Variants in GPAT3 observed in about 807,000 individuals in gnomAD.
GPAT3 encodes glycerol-3-phosphate acyltransferase 3, also known as 1-AGP acyltransferase 9.
Under a neutral mutation model 58.8 loss-of-function variants are expected in GPAT3, and 53 were observed. That is an observed-to-expected ratio of 0.90 (90% CI 0.72 to 1.13). GPAT3 has a LOEUF of 1.13. GPAT3 is among the 50% of genes most tolerant of loss of function. The pLI is 0.00. For missense variants in GPAT3, 511 were observed against 527.6 expected (o/e 0.97, Z 0.31); for synonymous variants, 197 against 187.4 (o/e 1.05, Z -0.42).
At chr4:83,554,801 C>CTTT (rs34785812) in intron 2 of GPAT3, among the ~76,000 whole-genome samples, 6 of 129,962 alleles carry the variant, frequency 4.6e-5, no homozygotes, top group African/African-American at 5.6e-5. Flanking sequence ...GAAGCTCCCT[C>CTTT]TTTTTTTTTT....
intron 2 of GPAT3, among the ~76,000 whole-genome samples, chr4:83,554,909 T>A (rs1170697977): frequency 1.3e-5 from 2 of 151,684 alleles, no homozygotes; most frequent in Non-Finnish European, 2.9e-5. Context: ...GTTCAAGTGA[T>A]TCTCCAGCCT....
intron 2 of GPAT3, among the ~76,000 whole-genome samples, chr4:83,578,898 TTTC>T (rs1232846269): frequency 7.2e-6 from 1 of 138,236 alleles, no homozygotes; most frequent in Non-Finnish European, 1.6e-5. Context: ...TCCCTCCCTC[TTTC>T]TTTTCTTTTT....
chr4:83,598,635 TTA>T lies in GPAT3; in HGVS notation c.1126-8_1126-7del. 6.2e-7 allele frequency: 1 copy of T among 1,604,820 alleles called. No individual in the cohort carries two copies. Among genetic ancestry groups the T allele is most frequent in the Admixed American group, 1.7e-5 (1 of 57,776 alleles). On this transcript the variant is annotated splice_region_variant and splice_polypyrimidine_tract_variant and intron_variant, in intron 10 of 11. Transcript: ENST00000264409. ...GATATTCTTGCAATTTTTTTTTTTT[TTA>T]AACCAGGAAGGAGAAGATGCAGTCC...
chr4:83,598,045 TC>T lies in GPAT3; in HGVS notation c.997-5del. On this transcript the variant is annotated splice_polypyrimidine_tract_variant and splice_region_variant and intron_variant, in intron 9 of 11. Transcript: ENST00000264409. ...CATAACTGAGATGTATTTTCTTTTT[TC>T]TCAGTATAACCCTCAGTTCGGTGAT... 6.2e-7 allele frequency: 1 copy of T among 1,613,298 alleles called. No individual in the cohort carries two copies. The highest frequency in any genetic ancestry group is 8.5e-7 in the Non-Finnish European group (1 of 1,179,732).
intron 2 of GPAT3, among the ~76,000 whole-genome samples, chr4:83,566,990 G>A (rs1295108435): frequency 6.6e-6 from 1 of 152,068 alleles, no homozygotes; most frequent in Non-Finnish European, 1.5e-5. Flanking sequence ...TAGTAAGGTA[G>A]AAGAATATAA....
chr4:83,542,579 C>T (rs983268223), intron 1 of GPAT3, among the ~76,000 whole-genome samples: 7 of 152,134 alleles, frequency 4.6e-5, no homozygotes, highest in African/African-American at 1.7e-4. Flanking sequence ...CCTTGATGTA[C>T]GTTTTAGGTT....
rs189963023 is a variant in GPAT3, at chr4:83,578,971, T to G, written c.209-2591T>G. Among the ~76,000 whole-genome samples the G allele has an allele frequency of 2.2e-3, 284 of 126,948 alleles. 8 individuals carry two copies. The highest frequency in any genetic ancestry group is 9.4e-3 in the African/African-American group (272 of 28,922). The allele number at this position is 126,948 out of a possible 152,430, so 83.3% of individuals were successfully genotyped here. ...TCTTTTCTTTCTTTCTTTCTTTCTTTCTTTCTTTCTTTCTTTCCTTCCTTC... is the reference window on the plus strand; with the variant it reads ...TCTTTTCTTTCTTTCTTTCTTTCTTGCTTTCTTTCTTTCTTTCCTTCCTTC... On this transcript the variant is annotated intron_variant, in intron 2 of 11. Transcript: ENST00000264409.
intron 3 of GPAT3, among the ~76,000 whole-genome samples, chr4:83,586,551 T>C (rs554461058): frequency 6.6e-6 from 1 of 152,370 alleles, no homozygotes; most frequent in African/African-American, 2.4e-5. Context: ...AAGAATCTTA[T>C]TAGTAAAATG....
At chr4:83,570,671 C>T (rs1725572266) in intron 2 of GPAT3, among the ~76,000 whole-genome samples, 1 of 152,060 alleles carries the variant, frequency 6.6e-6, no homozygotes. Flanking sequence ...CAGGGTTTTA[C>T]TATGTTGGCC....
intron 2 of GPAT3, among the ~76,000 whole-genome samples, chr4:83,546,665 G>C (rs983818935): frequency 6.6e-6 from 1 of 152,044 alleles, no homozygotes; most frequent in Non-Finnish European, 1.5e-5. Flanking sequence ...CACAGTTATT[G>C]AACAACTGCA....
At chr4:83,544,049 T>C (rs1724411552) in intron 1 of GPAT3, among the ~76,000 whole-genome samples, 1 of 152,230 alleles carries the variant, frequency 6.6e-6, no homozygotes, top group South Asian at 2.1e-4. Context: ...ATGTCTAATT[T>C]GTTGTGAAAA....
intron 3 of GPAT3, among the ~76,000 whole-genome samples, chr4:83,586,265 C>T (rs538313283): frequency 2.0e-5 from 3 of 152,308 alleles, no homozygotes; most frequent in South Asian, 2.1e-4. Context: ...AAGATAGCTA[C>T]GTGTCAGCAG....
At chr4:83,555,208 A>G (rs6828521) in intron 2 of GPAT3, among the ~76,000 whole-genome samples, 13,018 of 152,204 alleles carry the variant, frequency 0.086, 619 homozygotes, top group South Asian at 0.1. Flanking sequence ...AACCTTTGGC[A>G]TCTCTGCAGT....
chr4:83,555,355 T>TCCATATTGCTCCCCA (rs2110078645), intron 2 of GPAT3, among the ~76,000 whole-genome samples: 1 of 152,252 alleles, frequency 6.6e-6, no homozygotes, highest in African/African-American at 2.4e-5. Context: ...TCAGCTCCCC[T>TCCATATTGCTCCCCA]CCATATTGCT....
rs1578153908 is a variant in GPAT3, at chr4:83,537,593, G to GTA, written c.141+831_141+832insAT. Reference sequence around the variant, plus strand: ...AAAAATTTAATTATATGTATAATATGTGTGTGTGTGTGTGTGTGTGTGTGT... The same window carrying GTA: ...AAAAATTTAATTATATGTATAATATGTATGTGTGTGTGTGTGTGTGTGTGTGT... On this transcript the variant is annotated intron_variant, in intron 1 of 11. Coordinates refer to ENST00000264409, the MANE Select transcript of GPAT3 (RefSeq NM_032717.5). 3.6e-5 allele frequency among the ~76,000 whole-genome samples: 4 copies of GTA among 109,986 alleles called. No homozygotes were observed. In the East Asian group the frequency reaches 1.3e-3, roughly 36 times the overall value. 72.2% of individuals were successfully genotyped at this position (109,986 alleles called of 152,430 possible). A position where few individuals can be genotyped will look rare whatever the true frequency, so the allele number is the denominator to read the frequency against.
intron 11 of GPAT3, among the ~76,000 whole-genome samples, chr4:83,601,840 T>C (rs1165116564): frequency 2.6e-5 from 4 of 152,218 alleles, no homozygotes; most frequent in Non-Finnish European, 5.9e-5. Flanking sequence ...TAAAGATAGC[T>C]GAAGCCATTA....
intron 2 of GPAT3, among the ~76,000 whole-genome samples, chr4:83,552,777 G>A (rs985278276): frequency 6.6e-6 from 1 of 152,188 alleles, no homozygotes; most frequent in African/African-American, 2.4e-5. Context: ...AAATTGATAT[G>A]TTGATATGTT....
At chr4:83,577,820 A>G (rs1240223099) in intron 2 of GPAT3, among the ~76,000 whole-genome samples, 9 of 108,374 alleles carry the variant, frequency 8.3e-5, no homozygotes, top group African/African-American at 2.7e-4. Flanking sequence ...TTTTTGAGAC[A>G]GGGTCTCGTT....
rs116474512 is a variant in GPAT3, at chr4:83,584,920, C to G, written c.480-2335C>G. Among the ~76,000 whole-genome samples the G allele has an allele frequency of 5.3e-3, 812 of 152,278 alleles. 7 individuals are homozygous for G. Among genetic ancestry groups the G allele is most frequent in the African/African-American group, 0.018 (741 of 41,566 alleles). On this transcript the variant is annotated intron_variant, in intron 3 of 11. Coordinates refer to ENST00000264409, the MANE Select transcript of GPAT3 (RefSeq NM_032717.5). ...GTCATCTATGAGAACTCTAACATTG[C>G]CTCACTTAAACTGGGATACATAATG... is the stretch of plus-strand genomic sequence containing the variant.
Sources: gnomAD v4.1 joint callset for allele counts (sites outside exome capture counted in the v4.1 genomes callset) on GRCh38, gnomAD v4.1.1 for gene constraint, MANE v1.5 for transcripts, NCBI Gene and HGNC (gene_info 2026-07-23, HGNC 2026-07-21) for gene names.